The following MYO5B variants were observed in gnomAD, a reference collection of about 807,000 sequenced individuals.
The protein encoded by MYO5B is myosin VB, also known as unconventional myosin-Vb.
Under a neutral mutation model 229.3 loss-of-function variants are expected in MYO5B, and 143 were observed. That is an observed-to-expected ratio of 0.62 (90% CI 0.54 to 0.72). MYO5B has a LOEUF of 0.72. MYO5B is among the 30% of genes least tolerant of loss of function. The pLI, the probability that MYO5B is intolerant of heterozygous loss-of-function variation, is 0.00. For synonymous variants in MYO5B, 918 were observed against 885.2 expected, an observed-to-expected ratio of 1.04 and a Z score of -0.66; for missense variants, 2,321 against 2,331.0, an observed-to-expected ratio of 1.00 and a Z score of 0.09.
intron 15 of MYO5B, 49 bp downstream of exon 15, chr18:49,937,196 C>A (rs1257305287): frequency 6.2e-7 from 1 of 1,609,374 alleles, no homozygotes; most frequent in Admixed American, 1.7e-5. Context: ...TACAGAGAGG[C>A]CAGCCCTGCA....
intron 1 of MYO5B, among the ~76,000 whole-genome samples, chr18:50,129,527 A>G (rs2032220652): frequency 6.6e-6 from 1 of 152,234 alleles, no homozygotes; most frequent in African/African-American, 2.4e-5. Flanking sequence ...AGATGTGATC[A>G]TAACAGCTGT....
chr18:50,017,721 C>A (rs546236057), intron 4 of MYO5B, among the ~76,000 whole-genome samples: 33 of 152,222 alleles, frequency 2.2e-4, no homozygotes, highest in African/African-American at 7.9e-4. Context: ...AAATCTCATA[C>A]TTTGAGCCCA....
rs754688861 is a variant in MYO5B at position 50,036,989 on chromosome 18, C to G, written c.316G>C (p.Val106Leu). The G allele has an allele frequency of 6.2e-7, 1 of 1,614,074 alleles. No homozygotes were observed. The highest frequency in any genetic ancestry group is 1.7e-5 in the Admixed American group (1 of 60,012). The change falls in exon 4 of 40, where the codon GTA (valine) becomes CTA (leucine). Residue 106 changes from valine to leucine, a missense_variant. Physicochemically the swap from Val to Leu is conservative, Grantham distance 32. This residue lies in a region of MYO5B where 2,113 missense variants were observed against 2,044.7 expected (regional missense o/e 1.03). Transcript: ENST00000285039. ...TCATAAGGATTAATGGCAACAAGTA[C>G]GATACCTGCAAACAGACAAGGTGGT... ...SNHIYTYCGI[V>L]LVAINPYEQL...
At chr18:50,040,937 C>A (rs1174270920) in intron 2 of MYO5B, among the ~76,000 whole-genome samples, 3 of 152,158 alleles carry the variant, frequency 2.0e-5, no homozygotes, top group African/African-American at 7.2e-5. Context: ...GTATTCTTAG[C>A]ACTTGGACAA....
At chr18:50,157,174 C>T (rs898985912) in intron 1 of MYO5B, among the ~76,000 whole-genome samples, 5 of 151,428 alleles carry the variant, frequency 3.3e-5, no homozygotes, top group Non-Finnish European at 5.9e-5. Context: ...GGCGTGATCT[C>T]GGCTCACTGC....
chr18:49,941,475 G>A (rs562220163), intron 14 of MYO5B, among the ~76,000 whole-genome samples: 2 of 152,260 alleles, frequency 1.3e-5, no homozygotes, highest in Admixed American at 1.3e-4. Context: ...TTCACAATAT[G>A]CAGAGTCTAA....
intron 1 of MYO5B, among the ~76,000 whole-genome samples, chr18:50,142,595 T>C (rs887620146): frequency 1.3e-5 from 2 of 152,150 alleles, no homozygotes; most frequent in Non-Finnish European, 2.9e-5. Flanking sequence ...ATTCAAAGAG[T>C]AACATGGAAT....
intron 2 of MYO5B, among the ~76,000 whole-genome samples, chr18:50,049,543 C>A (rs12456750): frequency 0.093 from 14,122 of 152,264 alleles, 708 homozygotes; most frequent in Middle Eastern, 0.11. Context: ...ACAGACCAGA[C>A]CACTTTCCTT....
chr18:50,021,384 T>C (rs1174863538), intron 4 of MYO5B, among the ~76,000 whole-genome samples: 2 of 152,138 alleles, frequency 1.3e-5, no homozygotes, highest in African/African-American at 4.8e-5. Flanking sequence ...GTTCCAGCAC[T>C]AGTTCTGCCA....
intron 14 of MYO5B, among the ~76,000 whole-genome samples, chr18:49,940,796 A>C (rs2025305142): frequency 6.6e-6 from 1 of 152,238 alleles, no homozygotes; most frequent in Non-Finnish European, 1.5e-5. Context: ...TCACTATCAC[A>C]GTGGATTAGA....
intron 1 of MYO5B, among the ~76,000 whole-genome samples, chr18:50,146,559 T>G (rs980267220): frequency 6.6e-6 from 1 of 152,218 alleles, no homozygotes; most frequent in African/African-American, 2.4e-5. Context: ...CTCTTGACCC[T>G]GTGTCCACCC....
At chr18:49,950,739 A>G (rs2025422585) in intron 14 of MYO5B, among the ~76,000 whole-genome samples, 1 of 152,192 alleles carries the variant, frequency 6.6e-6, no homozygotes. Context: ...ATATATTTCT[A>G]CAATACTTTA....
At chr18:49,933,504 T>C (rs1271182729) in intron 16 of MYO5B, among the ~76,000 whole-genome samples, 2 of 152,362 alleles carry the variant, frequency 1.3e-5, no homozygotes, top group Middle Eastern at 3.4e-3. Context: ...GCCTTTTGTA[T>C]AGGTCATGCT....
At chr18:49,966,840 G>A (rs2025631332) in intron 10 of MYO5B, among the ~76,000 whole-genome samples, 1 of 152,188 alleles carries the variant, frequency 6.6e-6, no homozygotes, top group Non-Finnish European at 1.5e-5. Context: ...AATGAATGAG[G>A]GGCTCGGGCA....
chr18:49,955,851 A>G (rs550259984), intron 12 of MYO5B, among the ~76,000 whole-genome samples: 1 of 152,318 alleles, frequency 6.6e-6, no homozygotes, highest in South Asian at 2.1e-4. Context: ...TCTTCCCAGT[A>G]TGGCTGTCAG....
At chr18:49,845,057 G>A (rs1392463544) in intron 33 of MYO5B, among the ~76,000 whole-genome samples, 2 of 152,186 alleles carry the variant, frequency 1.3e-5, no homozygotes, top group African/African-American at 4.8e-5. Context: ...GGCCACCTGA[G>A]CAAGGGTCAT....
chr18:50,059,464 G>A lies in MYO5B; in HGVS notation c.28-4086C>T, dbSNP rs554475291. On this transcript the variant is annotated intron_variant, in intron 1 of 39. Coordinates refer to ENST00000285039, the MANE Select transcript of MYO5B (RefSeq NM_001080467.3). ...ACAAGTTAATGCCGACTTTGGAAGA[G>A]AGAAAGTTGGTAGCCAAATTCTTCC... is the stretch of plus-strand genomic sequence containing the variant. Among the ~76,000 whole-genome samples the A allele has an allele frequency of 1.2e-4, 18 of 152,226 alleles. 1 individual carries two copies. The highest frequency in any genetic ancestry group is 3.9e-4 in the African/African-American group (16 of 41,462).
intron 1 of MYO5B, among the ~76,000 whole-genome samples, chr18:50,092,089 A>T (rs900790974): frequency 1.3e-5 from 2 of 152,194 alleles, no homozygotes; most frequent in African/African-American, 2.4e-5. Context: ...TTCTAATTTC[A>T]GCTTCAAAGA....
At chr18:50,062,165 G>GA (rs57587120) in intron 1 of MYO5B, among the ~76,000 whole-genome samples, 3,690 of 148,208 alleles carry the variant, frequency 0.025, 149 homozygotes, top group African/African-American at 0.086. Context: ...AATTACACAT[G>GA]AAAAAAAAAA....
Sources: allele counts gnomAD v4.1 joint callset (sites outside exome capture counted in the v4.1 genomes callset), GRCh38; gene constraint gnomAD v4.1.1; regional missense constraint gnomAD v4.1.1; transcripts MANE v1.5; gene names NCBI Gene and HGNC (gene_info 2026-07-23, HGNC 2026-07-21).